Variants in NAV1 observed in about 807,000 individuals in gnomAD.
The protein encoded by NAV1 is pore membrane and/or filament interacting like protein 3.
A neutral mutation model predicts 175.2 loss-of-function variants in NAV1; 18 were observed. That is an observed-to-expected ratio of 0.10 (90% CI 0.07 to 0.15). The LOEUF (loss-of-function observed/expected upper bound fraction) is 0.15. Ranked by LOEUF, NAV1 falls within the 10% of genes least tolerant of loss-of-function variation. The probability of loss-of-function intolerance (pLI) is 1.00; values close to 1 mark genes in which losing one functional copy is unlikely to be tolerated. For missense variants in NAV1, 1,731 were observed against 2,436.6 expected (o/e 0.71, Z 6.10); for synonymous variants, 897 against 978.7 (o/e 0.92, Z 1.56).
chr1:201,632,446 C>T (rs941376665), intron 2 of NAV1, among the ~76,000 whole-genome samples: 1 of 152,250 alleles, frequency 6.6e-6, no homozygotes, highest in Non-Finnish European at 1.5e-5. Context: ...CTGGTCCCAT[C>T]TGCTGACTCT....
chr1:201,648,717 A>C, exon 1 of NAV1: 21 of 1,419,964 alleles, frequency 1.5e-5, no homozygotes, highest in Non-Finnish European at 1.9e-5. Flanking sequence ...GGAGCTGAGC[A>C]GCGGCGGCGG....
intron 1 of NAV1, among the ~76,000 whole-genome samples, chr1:201,663,363 C>T (rs1164711726): frequency 6.6e-6 from 1 of 152,026 alleles, no homozygotes; most frequent in Non-Finnish European, 1.5e-5. Context: ...GCCCATGACC[C>T]ATTTCCAATC....
At chr1:201,577,852 A>G (rs1228882222) in intron 1 of NAV1, among the ~76,000 whole-genome samples, 3 of 152,156 alleles carry the variant, frequency 2.0e-5, no homozygotes, top group Non-Finnish European at 1.5e-5. Context: ...GTGGTTTCCA[A>G]TGAGAAATCT....
intron 3 of NAV1, among the ~76,000 whole-genome samples, chr1:201,722,335 T>C (rs968217688): frequency 2.0e-5 from 3 of 152,228 alleles, no homozygotes; most frequent in African/African-American, 7.2e-5. Context: ...AGGTAACCCA[T>C]ATAAGTGGAA....
chr1:201,702,621 C>T (rs114330238), intron 1 of NAV1, among the ~76,000 whole-genome samples: 1,735 of 151,390 alleles, frequency 0.011, 41 homozygotes, highest in African/African-American at 0.04. Flanking sequence ...CCACCAGCGT[C>T]GGCTCCCAAA....
In NAV1 at chr1:201,628,753, C is replaced by T. The variant is rs188578966; in HGVS notation, c.-100-651C>T. On this transcript the variant is annotated intron_variant, in intron 1 of 29. Coordinates refer to the NAV1 transcript ENST00000367302. Reference sequence around the variant, plus strand: ...GCCTTTGTTCCTGGGAGCAACTGTACGGTTGAGGTTGTGCTCAGAGGTCTG... The same window carrying T: ...GCCTTTGTTCCTGGGAGCAACTGTATGGTTGAGGTTGTGCTCAGAGGTCTG... 3.9e-5 allele frequency among the ~76,000 whole-genome samples: 6 copies of T among 152,292 alleles called. 1 individual carries two copies. The highest frequency in any genetic ancestry group is 9.6e-5 in the African/African-American group (4 of 41,560).
chr1:201,703,762 G>A (rs1305306217), intron 1 of NAV1, among the ~76,000 whole-genome samples: 2 of 152,312 alleles, frequency 1.3e-5, no homozygotes, highest in East Asian at 1.9e-4. Context: ...CTAGCCATCC[G>A]CGTGGGGCTG....
At chr1:201,687,445 G>A (rs747188267) in intron 1 of NAV1, among the ~76,000 whole-genome samples, 21 of 152,214 alleles carry the variant, frequency 1.4e-4, no homozygotes, top group Admixed American at 3.3e-4. Flanking sequence ...CAGGATGGAT[G>A]GGGTTTCCCA....
intron 1 of NAV1, among the ~76,000 whole-genome samples, chr1:201,550,329 A>G (rs1370210511): frequency 6.6e-6 from 1 of 151,608 alleles, no homozygotes; most frequent in South Asian, 2.1e-4. Context: ...CCGCCACCAC[A>G]CCCGGCTAAT....
Position 201,794,453 on chromosome 1 carries a change from A to G in NAV1, c.3406-13A>G, listed in dbSNP as rs552912404. Reference sequence around the variant, plus strand: ...ACCGTGCCCAGCCAACGCTATTTTCATTTCTCTCTTAGGACACTGAGCTGC... The same window carrying G: ...ACCGTGCCCAGCCAACGCTATTTTCGTTTCTCTCTTAGGACACTGAGCTGC... On this transcript the variant is annotated splice_polypyrimidine_tract_variant and intron_variant, in intron 14 of 29. Transcript: ENST00000367296. 3 of 1,609,062 alleles carry G rather than the reference A, an allele frequency of 1.9e-6. No homozygotes were observed. The highest frequency in any genetic ancestry group is 1.7e-6 in the Non-Finnish European group (2 of 1,178,106).
chr1:201,662,174 G>A (rs1669638419), intron 1 of NAV1, among the ~76,000 whole-genome samples: 1 of 152,222 alleles, frequency 6.6e-6, no homozygotes. Flanking sequence ...GCCCTGTTGG[G>A]CAGCAGCCCA....
At chr1:201,716,348 G>A (rs1387101965) in intron 2 of NAV1, among the ~76,000 whole-genome samples, 1 of 152,186 alleles carries the variant, frequency 6.6e-6, no homozygotes, top group Non-Finnish European at 1.5e-5. Context: ...CATCCATCGT[G>A]GGTTTGCTCC....
At chr1:201,802,004 G>T (rs933298568) in intron 15 of NAV1, among the ~76,000 whole-genome samples, 1 of 150,192 alleles carries the variant, frequency 6.7e-6, no homozygotes, top group Non-Finnish European at 1.5e-5. Flanking sequence ...GGGCGTAGTG[G>T]CGGGCGCCTG....
intron 28 of NAV1, among the ~76,000 whole-genome samples, chr1:201,814,449 C>T (rs772381685): frequency 3.9e-5 from 6 of 152,006 alleles, no homozygotes; most frequent in Non-Finnish European, 7.4e-5. Flanking sequence ...AAAACCACCT[C>T]AGTTTTCTTA....
intron 1 of NAV1, among the ~76,000 whole-genome samples, chr1:201,554,786 G>A (rs1482150764): frequency 6.6e-6 from 1 of 152,186 alleles, no homozygotes; most frequent in African/African-American, 2.4e-5. Context: ...CCATAACAAA[G>A]TACCACTAAG....
chr1:201,658,497 G>T (rs1669490704), intron 1 of NAV1, among the ~76,000 whole-genome samples: 1 of 151,970 alleles, frequency 6.6e-6, no homozygotes. Context: ...AAGGGAGGAG[G>T]AACTGTGGGC....
chr1:201,596,278 G>A (rs1453901991), intron 2 of NAV1, among the ~76,000 whole-genome samples: 1 of 152,200 alleles, frequency 6.6e-6, no homozygotes, highest in Non-Finnish European at 1.5e-5. Flanking sequence ...CATCAGGCTG[G>A]GAAATTGCCA....
chr1:201,727,973 C>T (rs570495600), intron 3 of NAV1, among the ~76,000 whole-genome samples: 87 of 152,120 alleles, frequency 5.7e-4, no homozygotes, highest in Non-Finnish European at 9.7e-4. Context: ...ACAGCACATA[C>T]AGGAACAGTG....
rs113996695 is a variant in NAV1, at chr1:201,563,283, C to T, written c.-144+23941C>T. 5.9e-3 allele frequency among the ~76,000 whole-genome samples: 894 copies of T among 152,010 alleles called. 8 individuals are homozygous for T. Among genetic ancestry groups the T allele is most frequent in the African/African-American group, 0.021 (853 of 41,478 alleles). The stretch of plus-strand genomic sequence containing the variant: ...AGCCCCTCGAAGAGCGTCCGGACGC[C>T]GGGACCCAGCCTGGATGGCAGAGGG... On this transcript the variant is annotated intron_variant, in intron 1 of 33. Coordinates refer to the NAV1 transcript ENST00000685211.
Sources: gnomAD v4.1 joint callset for allele counts (sites outside exome capture counted in the v4.1 genomes callset) on GRCh38, gnomAD v4.1.1 for gene constraint, MANE v1.5 for transcripts, NCBI Gene and HGNC (gene_info 2026-07-23, HGNC 2026-07-21) for gene names.